Variants in EDA observed in about 807,000 individuals in gnomAD.
The protein encoded by EDA is ectodysplasin-A.
Under a neutral mutation model 23.6 loss-of-function variants are expected in EDA, and 2 were observed. The observed-to-expected ratio is 0.08, with a 90% confidence interval of 0.03 to 0.27. EDA has a LOEUF of 0.27. Among genes scored for constraint, EDA ranks in the 10% least tolerant of loss-of-function variants. The pLI is 1.00. For missense variants in EDA, 229 were observed against 324.2 expected, an observed-to-expected ratio of 0.71 and a Z score of 2.26; for synonymous variants, 131 against 132.0, an observed-to-expected ratio of 0.99 and a Z score of 0.05.
intron 1 of EDA, among the ~76,000 whole-genome samples, chrX:69,679,497 A>C (rs191768569): frequency 0.016 from 1,748 of 111,274 alleles, 31 homozygotes; most frequent in African/African-American, 0.055. Context: ...ACAATTTCAG[A>C]TCCTGTTATT....
intron 1 of EDA, among the ~76,000 whole-genome samples, chrX:69,667,531 C>G (rs1933727855): frequency 1.8e-5 from 2 of 110,934 alleles, no homozygotes; most frequent in Non-Finnish European, 3.8e-5. Context: ...TTATTTTTTT[C>G]AAACAACCAA....
chrX:69,715,948 G>T (rs766409102), intron 1 of EDA, among the ~76,000 whole-genome samples: 3 of 111,161 alleles, frequency 2.7e-5, no homozygotes, highest in Non-Finnish European at 5.7e-5. Context: ...GTAGATTTCA[G>T]TTCCTCATAG....
At chrX:69,676,252 C>T (rs1377891270) in intron 1 of EDA, among the ~76,000 whole-genome samples, 1 of 111,360 alleles carries the variant, frequency 9.0e-6, no homozygotes, top group Non-Finnish European at 1.9e-5. Context: ...ACTTTAGCTG[C>T]TGGGTTGAGA....
intron 1 of EDA, among the ~76,000 whole-genome samples, chrX:69,785,996 TCAA>T (rs2015153279): frequency 9.0e-6 from 1 of 110,716 alleles, no homozygotes; most frequent in Admixed American, 9.6e-5. Context: ...ATTCAGAGAT[TCAA>T]CCTCTTCCTG....
At chrX:69,915,473 C>T (rs981483243) in intron 1 of EDA, among the ~76,000 whole-genome samples, 4 of 109,802 alleles carry the variant, frequency 3.6e-5, no homozygotes, top group Non-Finnish European at 7.6e-5. Context: ...TGTGGTGGCA[C>T]ATCCCTGTAA....
At chrX:70,035,273 A>C in intron 7 of EDA, 85 bp from the exon 8 acceptor site, 1 of 1,069,553 alleles carries the variant, frequency 9.3e-7, no homozygotes, top group South Asian at 2.0e-5. Context: ...CTCATCTGAG[A>C]AGATTCTGTC....
chrX:69,888,380 A>G (rs1280941321), intron 1 of EDA, among the ~76,000 whole-genome samples: 1 of 110,701 alleles, frequency 9.0e-6, no homozygotes, highest in Non-Finnish European at 1.9e-5. Context: ...AGGAAGAAAG[A>G]AACAAAGGAC....
intron 1 of EDA, among the ~76,000 whole-genome samples, chrX:69,846,266 C>T (rs887249290): frequency 1.8e-5 from 2 of 111,194 alleles, no homozygotes; most frequent in Non-Finnish European, 3.8e-5. Context: ...ACTTTTTCTT[C>T]GTGTCGTTTT....
chrX:69,788,471 G>T (rs1231232334), intron 1 of EDA, among the ~76,000 whole-genome samples: 5 of 111,737 alleles, frequency 4.5e-5, no homozygotes, highest in Middle Eastern at 4.6e-3. Flanking sequence ...TGGGTTTTTG[G>T]TGTGGCTGTC....
In EDA at chrX:70,027,979, C is replaced by G. The variant is rs1056795577; in HGVS notation, c.649C>G (p.Pro217Ala). ...TCCAGGAACAACTGTTATGGGACCA[C>G]CTGGTCCTCCAGGTCCTCCTGGTCC... ...GIPGTTVMGP[P>A]GPPGPPGPQG... Residue 217 changes from proline (P) to alanine (A), a missense_variant, in exon 4 of 8, where the codon CCT becomes GCT. Transcript: ENST00000374552. 4 of 1,192,873 alleles carry G rather than the reference C, an allele frequency of 3.4e-6. No individual in the cohort carries two copies. The highest frequency in any genetic ancestry group is 3.4e-6 in the Non-Finnish European group (3 of 886,282).
At chrX:69,716,377 G>C (rs955460069) in intron 1 of EDA, among the ~76,000 whole-genome samples, 1 of 111,566 alleles carries the variant, frequency 9.0e-6, no homozygotes, top group Admixed American at 9.5e-5. Flanking sequence ...TCAGATAGTT[G>C]TAGGTGTGTG....
chrX:69,678,607 G>T (rs760522082), intron 1 of EDA, among the ~76,000 whole-genome samples: 10 of 108,964 alleles, frequency 9.2e-5, no homozygotes, highest in African/African-American at 2.4e-4. Context: ...GTTCACTCAC[G>T]ATTTGGCTCT....
intron 1 of EDA, among the ~76,000 whole-genome samples, chrX:69,954,483 A>G (rs1363696613): frequency 9.0e-6 from 1 of 111,033 alleles, no homozygotes; most frequent in South Asian, 3.9e-4. Flanking sequence ...TAATTAAAAA[A>G]CCCTCAAACC....
intron 1 of EDA, among the ~76,000 whole-genome samples, chrX:69,691,464 C>A (rs1245366020): frequency 2.7e-5 from 3 of 111,308 alleles, no homozygotes; most frequent in Non-Finnish European, 5.7e-5. Flanking sequence ...TGTGCTTTTT[C>A]TTCTACCATA....
intron 1 of EDA, among the ~76,000 whole-genome samples, chrX:69,634,673 AT>A (rs777410427): frequency 3.8e-5 from 4 of 104,807 alleles, no homozygotes; most frequent in Admixed American, 1.0e-4. Flanking sequence ...AGGCTTTCTT[AT>A]TTTTTTTTCC....
intron 7 of EDA, among the ~76,000 whole-genome samples, chrX:70,033,953 A>G (rs2020233070): frequency 9.0e-6 from 1 of 111,493 alleles, no homozygotes; most frequent in Non-Finnish European, 1.9e-5. Context: ...TGTAATGAAT[A>G]GTGCTCCTGC....
At chrX:69,887,540 C>T (rs1393684770) in intron 1 of EDA, among the ~76,000 whole-genome samples, 2 of 111,435 alleles carry the variant, frequency 1.8e-5, no homozygotes, top group Non-Finnish European at 3.8e-5. Context: ...TGTCTGAAAA[C>T]TTCAAATGTT....
At chrX:69,729,014 G>A (rs1009491551) in intron 1 of EDA, 1 of 111,615 alleles carries the variant, frequency 9.0e-6, no homozygotes, top group Non-Finnish European at 1.9e-5. Context: ...ATCTGGCTGG[G>A]TGGAAATTGA....
At chrX:69,840,325 T>C (rs2016867650) in intron 1 of EDA, among the ~76,000 whole-genome samples, 1 of 111,625 alleles carries the variant, frequency 9.0e-6, no homozygotes, top group South Asian at 3.8e-4. Flanking sequence ...AGAAATATCA[T>C]GTTTAATTAT....
Sources: allele counts gnomAD v4.1 joint callset (sites outside exome capture counted in the v4.1 genomes callset), GRCh38; gene constraint gnomAD v4.1.1; transcripts MANE v1.5; gene names NCBI Gene and HGNC (gene_info 2026-07-23, HGNC 2026-07-21).